Variants in ZNF57 observed in about 807,000 individuals in gnomAD.
The protein encoded by ZNF57 is zinc finger protein 57.
Under a neutral mutation model 13.4 loss-of-function variants are expected in ZNF57, and 11 were observed. The ratio of observed to expected loss-of-function variants is 0.82; its 90% confidence interval spans 0.52 to 1.36. The LOEUF is 1.36. Ranked by LOEUF, ZNF57 falls within the 40% of genes most tolerant of loss-of-function variation. The probability of loss-of-function intolerance (pLI) is 0.00; values close to 1 mark genes in which losing one functional copy is unlikely to be tolerated. For synonymous variants in ZNF57, 224 were observed against 238.5 expected, an observed-to-expected ratio of 0.94 and a Z score of 0.56; for missense variants, 696 against 667.5, an observed-to-expected ratio of 1.04 and a Z score of -0.47.
intron 3 of ZNF57, chr19:2,916,546 A>G (rs1599604638): frequency 4.0e-6 from 1 of 250,700 alleles, no homozygotes; most frequent in East Asian, 8.2e-5. Flanking sequence ...ACCCGCCTCT[A>G]CTAAAAATAC....
intron 1 of ZNF57, among the ~76,000 whole-genome samples, chr19:2,907,842 G>C (rs1367065760): frequency 1.3e-5 from 2 of 152,128 alleles, no homozygotes; most frequent in African/African-American, 4.8e-5. Flanking sequence ...CTAGTAGCTA[G>C]GACTGCAGGC....
intron 1 of ZNF57, among the ~76,000 whole-genome samples, chr19:2,910,338 C>T: frequency 2.1e-5 from 1 of 47,552 alleles, no homozygotes; most frequent in African/African-American, 4.8e-5. Context: ...GTGAGCTTGA[C>T]AAGAATGTGT....
At chr19:2,911,634 C>T (rs2088137709) in intron 1 of ZNF57, among the ~76,000 whole-genome samples, 1 of 152,162 alleles carries the variant, frequency 6.6e-6, no homozygotes, top group Admixed American at 6.5e-5. Flanking sequence ...AATCCTCCCG[C>T]CCCAGCCTCC....
rs1232200801 is a variant in ZNF57, at chr19:2,910,373, A to G, written c.4-5149A>G. On this transcript the variant is annotated intron_variant, in intron 1 of 3. Transcript: ENST00000306908. ...TTTTCTGCTGTTGTTGAAGTTGTCT[A>G]CAGACATTCATCATTGGGGGTGCTG... Among the ~76,000 whole-genome samples, 2 of 46,724 alleles carry G rather than the reference A, an allele frequency of 4.3e-5. 1 individual carries two copies. The highest frequency in any genetic ancestry group is 9.7e-5 in the African/African-American group (2 of 20,568). The allele number at this position is 46,724 out of a possible 152,430, so 30.7% of individuals were successfully genotyped here.
chr19:2,912,783 T>C (rs1257801848), intron 1 of ZNF57, among the ~76,000 whole-genome samples: 2 of 152,250 alleles, frequency 1.3e-5, no homozygotes, highest in African/African-American at 4.8e-5. Context: ...TGTGTGAAGA[T>C]TCCTGTTTCT....
intron 1 of ZNF57, among the ~76,000 whole-genome samples, chr19:2,903,185 C>A (rs917759967): frequency 6.6e-6 from 1 of 152,142 alleles, no homozygotes; most frequent in African/African-American, 2.4e-5. Context: ...GTCTTGGAGC[C>A]GTTTCTAAGC....
Position 2,918,029 on chromosome 19 carries a change from C to T in ZNF57, c.1408C>T (p.His470Tyr). ...SRAFQGHLRM[H>Y]TGEKPYECKQ... ...AGCATTCCAAGGTCATTTGAGGATG[C>T]ACACTGGAGAGAAGCCTTATGAGTG... Residue 470 changes from histidine to tyrosine, a missense_variant, in exon 4 of 4, where the codon CAC becomes TAC. Transcript: ENST00000306908. 3 of 1,614,212 alleles carry T rather than the reference C, an allele frequency of 1.9e-6. No homozygotes were observed. Among genetic ancestry groups the T allele is most frequent in the Non-Finnish European group, 2.5e-6 (3 of 1,180,036 alleles).
Position 2,907,826 on chromosome 19 carries a change from G to A in ZNF57, c.3+6778G>A, listed in dbSNP as rs138485394. Among the ~76,000 whole-genome samples the A allele has an allele frequency of 3.4e-3, 518 of 152,296 alleles. 2 individuals carry two copies. The highest frequency in any genetic ancestry group is 5.6e-3 in the Non-Finnish European group (378 of 68,036). The stretch of plus-strand genomic sequence containing the variant: ...GGGCTCAAGTGATCCTGCTGCCTCA[G>A]CCTCCCTAGTAGCTAGGACTGCAGG... On this transcript the variant is annotated intron_variant, in intron 1 of 3. Transcript: ENST00000306908.
At chr19:2,916,017 G>A (rs185773311) in intron 2 of ZNF57, 61 bp from the exon 3 acceptor site, 2 of 1,547,986 alleles carry the variant, frequency 1.3e-6, no homozygotes, top group Non-Finnish European at 1.7e-6. Context: ...ACTCCTCAGT[G>A]TCTTCCTTTG....
chr19:2,917,783 C>G lies in ZNF57; in HGVS notation c.1162C>G (p.Gln388Glu). ...TFREHVRIHT[Q>E]EQLYKCEQCG... ...TAGAGAACATGTGAGAATTCACACG[C>G]AAGAGCAGCTCTATAAATGTGAACA... Residue 388 changes from glutamine (Q) to glutamate (E), a missense_variant, in exon 4 of 4, where the codon CAA (glutamine) becomes GAA (glutamate). Coordinates refer to ENST00000306908, the MANE Select transcript of ZNF57 (RefSeq NM_173480.3). 7 of 1,603,592 alleles carry G rather than the reference C, an allele frequency of 4.4e-6. No individual in the cohort carries two copies. Among genetic ancestry groups the G allele is most frequent in the African/African-American group, 4.1e-5 (3 of 73,636 alleles).
At chr19:2,904,865 T>G (rs2088059477) in intron 1 of ZNF57, among the ~76,000 whole-genome samples, 2 of 152,244 alleles carry the variant, frequency 1.3e-5, no homozygotes, top group Admixed American at 6.5e-5. Flanking sequence ...TTACTGTCTG[T>G]GTGTGGGCAT....
chr19:2,912,998 G>T (rs567135262), intron 1 of ZNF57, among the ~76,000 whole-genome samples: 37 of 152,272 alleles, frequency 2.4e-4, no homozygotes, highest in African/African-American at 8.7e-4. Context: ...CTGTCACCCA[G>T]GCTGGAGTGC....
chr19:2,903,550 C>T (rs1246240759), intron 1 of ZNF57, among the ~76,000 whole-genome samples: 1 of 151,838 alleles, frequency 6.6e-6, no homozygotes, highest in Non-Finnish European at 1.5e-5. Context: ...GGCCTTACTG[C>T]CCGCATAAAT....
rs970336369 is a variant in ZNF57 at position 2,904,445 on chromosome 19, C to G, written c.3+3397C>G. On this transcript the variant is annotated intron_variant, in intron 1 of 3. Transcript: ENST00000306908. ...CAGTCTCAAACTCCTGGCTTTAAGTCATCCCCTCACCTCAGCTTTCCAAGT... is the reference window on the plus strand; with the variant it reads ...CAGTCTCAAACTCCTGGCTTTAAGTGATCCCCTCACCTCAGCTTTCCAAGT... Among the ~76,000 whole-genome samples, 21 of 152,072 alleles carry G rather than the reference C, an allele frequency of 1.4e-4. 1 individual carries two copies. Among genetic ancestry groups the G allele is most frequent in the African/African-American group, 4.6e-4 (19 of 41,408 alleles).
At chr19:2,902,278 G>A (rs1239822544) in intron 1 of ZNF57, among the ~76,000 whole-genome samples, 1 of 152,112 alleles carries the variant, frequency 6.6e-6, no homozygotes, top group Non-Finnish European at 1.5e-5. Context: ...CACTAATGCT[G>A]TGAAAGCTTT....
Sources: gnomAD v4.1 joint callset for allele counts (sites outside exome capture counted in the v4.1 genomes callset) on GRCh38, gnomAD v4.1.1 for gene constraint, MANE v1.5 for transcripts, NCBI Gene and HGNC (gene_info 2026-07-23, HGNC 2026-07-21) for gene names.